The following ADARB2 variants were observed in gnomAD, a reference collection of about 807,000 sequenced individuals.
ADARB2 encodes inactive double-stranded RNA-specific editase B2.
Under a neutral mutation model 62.2 loss-of-function variants are expected in ADARB2, and 25 were observed. That is an observed-to-expected ratio of 0.40 (90% CI 0.29 to 0.56). The LOEUF is 0.56. ADARB2 is among the 20% of genes least tolerant of loss of function. The probability of loss-of-function intolerance (pLI) is 0.43; values close to 1 mark genes in which losing one functional copy is unlikely to be tolerated. For synonymous variants in ADARB2, 572 were observed against 500.8 expected (o/e 1.14, Z -1.90); for missense variants, 1,071 against 1,077.4 (o/e 0.99, Z 0.08).
intron 4 of ADARB2, among the ~76,000 whole-genome samples, chr10:1,249,639 C>T (rs541236033): frequency 3.1e-4 from 47 of 151,750 alleles, no homozygotes; most frequent in Admixed American, 3.1e-3. Context: ...CACACACACA[C>T]ATACACACGA....
At chr10:1,284,333 G>A (rs772967682) in intron 3 of ADARB2, among the ~76,000 whole-genome samples, 3 of 152,124 alleles carry the variant, frequency 2.0e-5, no homozygotes, top group Non-Finnish European at 4.4e-5. Context: ...CCGAGGGCAC[G>A]TCTCAGTCAT....
intron 1 of ADARB2, among the ~76,000 whole-genome samples, chr10:1,561,985 G>T (rs1832792327): frequency 6.6e-6 from 1 of 152,204 alleles, no homozygotes; most frequent in Non-Finnish European, 1.5e-5. Context: ...GTGAACTGCA[G>T]TCACCTCTGG....
At chr10:1,569,662 T>A (rs1381363528) in intron 1 of ADARB2, among the ~76,000 whole-genome samples, 1 of 152,240 alleles carries the variant, frequency 6.6e-6, no homozygotes, top group Non-Finnish European at 1.5e-5. Flanking sequence ...CAACCATTTG[T>A]CATATCTTAA....
At chr10:1,584,305 A>G (rs1377430542) in intron 1 of ADARB2, among the ~76,000 whole-genome samples, 1 of 152,224 alleles carries the variant, frequency 6.6e-6, no homozygotes, top group African/African-American at 2.4e-5. Context: ...ACCACGCCAA[A>G]GAAGAGATAC....
chr10:1,230,499 A>G (rs1435792992), intron 6 of ADARB2, among the ~76,000 whole-genome samples: 1 of 152,166 alleles, frequency 6.6e-6, no homozygotes, highest in African/African-American at 2.4e-5. Flanking sequence ...AAAGGGTAAC[A>G]AAGACATACA....
At chr10:1,248,894 A>C (rs1831011534) in intron 4 of ADARB2, among the ~76,000 whole-genome samples, 1 of 152,182 alleles carries the variant, frequency 6.6e-6, no homozygotes, top group Non-Finnish European at 1.5e-5. Context: ...ATTCGACTGA[A>C]CCTTCAAGTA....
intron 1 of ADARB2, among the ~76,000 whole-genome samples, chr10:1,706,676 T>G (rs1403287493): frequency 6.6e-6 from 1 of 152,220 alleles, no homozygotes; most frequent in Non-Finnish European, 1.5e-5. Context: ...CTTTCTGCAG[T>G]AATTGAGAAT....
chr10:1,670,551 C>T (rs1205291888), intron 1 of ADARB2, among the ~76,000 whole-genome samples: 1 of 152,228 alleles, frequency 6.6e-6, no homozygotes, highest in Non-Finnish European at 1.5e-5. Flanking sequence ...CGGCAGCCAC[C>T]CCTCTCCCAG....
At chr10:1,191,121 C>T (rs1836838636) in intron 8 of ADARB2, among the ~76,000 whole-genome samples, 2 of 152,288 alleles carry the variant, frequency 1.3e-5, no homozygotes, top group South Asian at 4.1e-4. Context: ...TGGGGGTTTG[C>T]ACACTCTGGG....
intron 1 of ADARB2, among the ~76,000 whole-genome samples, chr10:1,475,979 G>C (rs528360691): frequency 6.6e-6 from 1 of 152,310 alleles, no homozygotes; most frequent in East Asian, 1.9e-4. Flanking sequence ...AGACAGTTAA[G>C]TGTTACTGTG....
At chr10:1,552,532 G>A (rs1032924609) in intron 1 of ADARB2, among the ~76,000 whole-genome samples, 1 of 152,212 alleles carries the variant, frequency 6.6e-6, no homozygotes, top group Non-Finnish European at 1.5e-5. Context: ...GGGCTGCCAA[G>A]GTCGGCTTCA....
chr10:1,235,409 C>A (rs181779200), intron 5 of ADARB2, among the ~76,000 whole-genome samples: 1 of 64,542 alleles, frequency 1.5e-5, no homozygotes, highest in Admixed American at 1.6e-4. Flanking sequence ...AGCAGCCCCA[C>A]CTCTGCCCCA....
intron 1 of ADARB2, among the ~76,000 whole-genome samples, chr10:1,728,813 T>C (rs1349753993): frequency 6.6e-6 from 1 of 152,244 alleles, no homozygotes; most frequent in African/African-American, 2.4e-5. Flanking sequence ...GTTGGAATAA[T>C]GCTTTGCTAC....
Position 1,618,692 on chromosome 10 carries a change from C to G in ADARB2, c.100+118359G>C, listed in dbSNP as rs75803288. On this transcript the variant is annotated intron_variant, in intron 1 of 9. Transcript: ENST00000381312. ...CCCAAAAGTCAGATCTTAAGTGGTG[C>G]CACCTAGCAAGTTTGAGGTAGTTAA... 1.6e-3 allele frequency among the ~76,000 whole-genome samples: 242 copies of G among 152,110 alleles called. 7 individuals carry two copies. In the East Asian group the frequency reaches 0.037, roughly 23 times the overall value.
intron 3 of ADARB2, among the ~76,000 whole-genome samples, chr10:1,333,671 G>A (rs200322584): frequency 2.0e-5 from 3 of 152,264 alleles, no homozygotes; most frequent in Non-Finnish European, 4.4e-5. Flanking sequence ...GGAAAGAGAC[G>A]ATGATGATTT....
chr10:1,262,814 G>A (rs551974486), intron 4 of ADARB2, among the ~76,000 whole-genome samples: 12 of 152,050 alleles, frequency 7.9e-5, no homozygotes, highest in Admixed American at 2.0e-4. Flanking sequence ...TCATGCTGCT[G>A]TAAAGACATA....
At chr10:1,514,579 T>A (rs1338253545) in intron 1 of ADARB2, among the ~76,000 whole-genome samples, 1 of 152,096 alleles carries the variant, frequency 6.6e-6, no homozygotes, top group African/African-American at 2.4e-5. Context: ...AGATCTGGGA[T>A]GTCCTGCACA....
chr10:1,501,419 C>A (rs2063941), intron 1 of ADARB2, among the ~76,000 whole-genome samples: 48,707 of 151,934 alleles, frequency 0.32, 8,030 homozygotes, highest in Middle Eastern at 0.4. Context: ...TATCAGAAGC[C>A]CTCAGGGAGT....
In ADARB2 at chr10:1,598,848, C is replaced by T. The variant is rs557024161; in HGVS notation, c.100+138203G>A. On this transcript the variant is annotated intron_variant, in intron 1 of 9. Transcript: ENST00000381312. Reference sequence around the variant, plus strand: ...GAAGGGATCTCCCAGGCAGGGATCTCACAGCCTGCGGCACCCAGGCAGGAA... The same window carrying T: ...GAAGGGATCTCCCAGGCAGGGATCTTACAGCCTGCGGCACCCAGGCAGGAA... Among the ~76,000 whole-genome samples, 4 of 152,352 alleles carry T rather than the reference C, an allele frequency of 2.6e-5. No individual in the cohort carries two copies. In the South Asian group the frequency reaches 8.3e-4, roughly 32 times the overall value.
Sources: allele counts gnomAD v4.1 joint callset (sites outside exome capture counted in the v4.1 genomes callset), GRCh38; gene constraint gnomAD v4.1.1; transcripts MANE v1.5; gene names NCBI Gene and HGNC (gene_info 2026-07-23, HGNC 2026-07-21).